Variants in CLDN14 observed in about 807,000 individuals in gnomAD.
The protein encoded by CLDN14 is claudin-14.
In CLDN14, 2 loss-of-function variants were observed where a neutral mutation model predicts 2.1. The observed-to-expected ratio is 0.96, with a 90% CI of 0.39 to 3.01. CLDN14 has a LOEUF of 3.01. Among genes scored for constraint, CLDN14 ranks in the 30% most tolerant of loss-of-function variants. The probability of loss-of-function intolerance (pLI) is 0.09; values close to 1 mark genes in which losing one functional copy is unlikely to be tolerated. For missense variants in CLDN14, 298 were observed against 328.0 expected, an observed-to-expected ratio of 0.91 and a Z score of 0.71; for synonymous variants, 136 against 154.4, an observed-to-expected ratio of 0.88 and a Z score of 0.88.
At chr21:36,524,076 C>T (rs954737479) in intron 1 of CLDN14, among the ~76,000 whole-genome samples, 1 of 151,888 alleles carries the variant, frequency 6.6e-6, no homozygotes, top group Non-Finnish European at 1.5e-5. Flanking sequence ...CTATACCCAT[C>T]AGCAGTGTGA....
intron 1 of CLDN14, among the ~76,000 whole-genome samples, chr21:36,564,613 A>G (rs1601638926): frequency 6.6e-6 from 1 of 152,306 alleles, no homozygotes; most frequent in East Asian, 1.9e-4. Flanking sequence ...GGTGATGTGT[A>G]TGGCTGTGGT....
chr21:36,548,175 C>T (rs1040896935), intron 1 of CLDN14, among the ~76,000 whole-genome samples: 4 of 151,902 alleles, frequency 2.6e-5, no homozygotes, highest in Non-Finnish European at 5.9e-5. Flanking sequence ...CTCCAGGAAG[C>T]CCCCCTTCCT....
chr21:36,465,722 C>T (rs2146421490), intron 1 of CLDN14, among the ~76,000 whole-genome samples: 1 of 152,356 alleles, frequency 6.6e-6, no homozygotes, highest in African/African-American at 2.4e-5. Context: ...CAGGGCTGAA[C>T]TGGTGTTCAC....
chr21:36,536,187 C>G (rs745371327), intron 1 of CLDN14, among the ~76,000 whole-genome samples: 2 of 152,232 alleles, frequency 1.3e-5, no homozygotes, highest in Non-Finnish European at 2.9e-5. Context: ...TGAGGTCCAG[C>G]CTTGCACCTG....
At chr21:36,525,292 G>A (rs1217659536) in intron 1 of CLDN14, among the ~76,000 whole-genome samples, 3 of 152,132 alleles carry the variant, frequency 2.0e-5, no homozygotes, top group Non-Finnish European at 4.4e-5. Flanking sequence ...GGGACTCTGG[G>A]GCAGGAGGGA....
chr21:36,484,989 G>A (rs925696724), upstream of CLDN14, among the ~76,000 whole-genome samples: 1 of 151,888 alleles, frequency 6.6e-6, no homozygotes, highest in African/African-American at 2.4e-5. Flanking sequence ...TGGGATTACA[G>A]GCATGAGCCA....
intron 1 of CLDN14, among the ~76,000 whole-genome samples, chr21:36,558,580 C>T (rs1416763763): frequency 4.6e-5 from 7 of 152,136 alleles, no homozygotes; most frequent in Non-Finnish European, 7.4e-5. Flanking sequence ...AATGGCTACT[C>T]TGTAGGCAGA....
At chr21:36,568,870 C>T (rs2087690284) in intron 1 of CLDN14, among the ~76,000 whole-genome samples, 1 of 152,234 alleles carries the variant, frequency 6.6e-6, no homozygotes, top group East Asian at 1.9e-4. Context: ...ATGGCATTGA[C>T]TGTCCTTTGA....
intron 1 of CLDN14, among the ~76,000 whole-genome samples, chr21:36,513,335 A>G (rs2087200220): frequency 6.6e-6 from 1 of 152,222 alleles, no homozygotes; most frequent in Non-Finnish European, 1.5e-5. Flanking sequence ...TGCGGCAGCC[A>G]TTTGAGCCTT....
chr21:36,534,529 T>C (rs375381482), intron 1 of CLDN14, among the ~76,000 whole-genome samples: 5 of 152,290 alleles, frequency 3.3e-5, no homozygotes, highest in African/African-American at 1.2e-4. Context: ...TTCAAGTCTC[T>C]CTTCCATATC....
At chr21:36,517,928 C>CTT (rs1165642231) in intron 1 of CLDN14, among the ~76,000 whole-genome samples, 1 of 152,200 alleles carries the variant, frequency 6.6e-6, no homozygotes, top group Non-Finnish European at 1.5e-5. Flanking sequence ...GCAAGAAAGA[C>CTT]TTCTGCCTGC....
intron 1 of CLDN14, among the ~76,000 whole-genome samples, chr21:36,471,727 A>G (rs2086713358): frequency 6.6e-6 from 1 of 152,242 alleles, no homozygotes; most frequent in Non-Finnish European, 1.5e-5. Flanking sequence ...GCAATAGGAC[A>G]TTGTCACACC....
At chr21:36,479,079 GC>G (rs1052270457) in intron 1 of CLDN14, among the ~76,000 whole-genome samples, 3 of 152,154 alleles carry the variant, frequency 2.0e-5, no homozygotes, top group African/African-American at 4.8e-5. Context: ...AGTCTGCCTG[GC>G]CCTCTTTGCA....
At chr21:36,568,448 G>A (rs2087687773) in intron 1 of CLDN14, among the ~76,000 whole-genome samples, 1 of 152,380 alleles carries the variant, frequency 6.6e-6, no homozygotes, top group African/African-American at 2.4e-5. Context: ...TCTATGGGCA[G>A]TCTTTGCTCT....
At chr21:36,548,586 T>C (rs1338848580) in intron 1 of CLDN14, among the ~76,000 whole-genome samples, 1 of 152,166 alleles carries the variant, frequency 6.6e-6, no homozygotes, top group Non-Finnish European at 1.5e-5. Flanking sequence ...TTCTCCAGGG[T>C]GGAGACCAAG....
intron 1 of CLDN14, among the ~76,000 whole-genome samples, chr21:36,570,335 T>G (rs991879544): frequency 3.3e-5 from 5 of 152,244 alleles, no homozygotes; most frequent in African/African-American, 9.6e-5. Context: ...TTGATGCTAA[T>G]GCTGGTCAGC....
At chr21:36,521,881 G>A (rs1344040422) in intron 1 of CLDN14, among the ~76,000 whole-genome samples, 5 of 152,100 alleles carry the variant, frequency 3.3e-5, no homozygotes, top group Non-Finnish European at 7.4e-5. Flanking sequence ...GCATCGTCAC[G>A]ATTCCCCAAA....
chr21:36,463,704 T>C (rs1279938858), intron 1 of CLDN14, among the ~76,000 whole-genome samples: 1 of 152,090 alleles, frequency 6.6e-6, no homozygotes, highest in African/African-American at 2.4e-5. Context: ...AGAGCAAGAC[T>C]CTGTCTTGAA....
At chr21:36,530,135 T>TA (rs1372815460) in intron 1 of CLDN14, among the ~76,000 whole-genome samples, 2 of 152,224 alleles carry the variant, frequency 1.3e-5, no homozygotes, top group East Asian at 1.9e-4. Context: ...CTTTATTTTT[T>TA]AAAAAAACAA....
Sources: gnomAD v4.1 joint callset for allele counts (sites outside exome capture counted in the v4.1 genomes callset) on GRCh38, gnomAD v4.1.1 for gene constraint, MANE v1.5 for transcripts, NCBI Gene and HGNC (gene_info 2026-07-23, HGNC 2026-07-21) for gene names.